MKLN1: variants seen among roughly 807,000 people sequenced by gnomAD.
MKLN1 encodes muskelin.
Under a neutral mutation model 99.0 loss-of-function variants are expected in MKLN1, and 18 were observed. The observed-to-expected ratio is 0.18, with a 90% confidence interval of 0.13 to 0.27. The LOEUF (loss-of-function observed/expected upper bound fraction) is 0.27, where lower values mean the gene tolerates loss of function less well. Ranked by LOEUF, MKLN1 falls within the 10% of genes least tolerant of loss-of-function variation. The pLI is 1.00. For synonymous variants in MKLN1, 288 were observed against 293.2 expected (o/e 0.98, Z 0.18); for missense variants, 621 against 875.9 (o/e 0.71, Z 3.67).
chr7:131,242,446 G>A, intron 3 of MKLN1: 1 of 199,498 alleles, frequency 5.0e-6, no homozygotes, highest in Non-Finnish European at 1.0e-5. Flanking sequence ...TGACGTGTGA[G>A]GATCCCTTGA....
At chr7:131,264,057 G>C (rs2052621) in intron 3 of MKLN1, among the ~76,000 whole-genome samples, 13,676 of 152,136 alleles carry the variant, frequency 0.09, 775 homozygotes, top group South Asian at 0.21. Flanking sequence ...TGTTCCATCA[G>C]GGCAAAAATT....
chr7:131,243,454 C>A (rs1344363043), intron 3 of MKLN1, among the ~76,000 whole-genome samples: 1 of 152,208 alleles, frequency 6.6e-6, no homozygotes, highest in Non-Finnish European at 1.5e-5. Flanking sequence ...ATTTTTCTTA[C>A]CACATTCAAT....
intron 8 of MKLN1, among the ~76,000 whole-genome samples, chr7:131,423,532 A>G (rs1795266069): frequency 6.6e-6 from 1 of 152,142 alleles, no homozygotes; most frequent in East Asian, 1.9e-4. Context: ...GGCTTTCTCC[A>G]TGTTGGTCAT....
intron 8 of MKLN1, among the ~76,000 whole-genome samples, chr7:131,419,410 T>C (rs1172775400): frequency 6.6e-6 from 1 of 151,514 alleles, no homozygotes; most frequent in East Asian, 1.9e-4. Flanking sequence ...GCCCAGCTAA[T>C]TTTTGTATTT....
intron 2 of MKLN1, among the ~76,000 whole-genome samples, chr7:131,170,564 A>G (rs1308787733): frequency 1.3e-5 from 2 of 152,254 alleles, no homozygotes; most frequent in Non-Finnish European, 2.9e-5. Flanking sequence ...AACATCTGAG[A>G]GAGTGGGTTC....
chr7:131,318,517 C>T (rs1420366441), intron 3 of MKLN1, among the ~76,000 whole-genome samples: 2 of 152,050 alleles, frequency 1.3e-5, no homozygotes, highest in Admixed American at 6.6e-5. Flanking sequence ...GATCTGAAAT[C>T]GTCACCCTAA....
chr7:131,357,762 T>C (rs1198237196), intron 1 of MKLN1, among the ~76,000 whole-genome samples: 1 of 152,140 alleles, frequency 6.6e-6, no homozygotes, highest in African/African-American at 2.4e-5. Context: ...TAATTTCTGG[T>C]ATTACAGGAT....
In MKLN1 at chr7:131,437,922, T is replaced by C. The variant is rs751042761; in HGVS notation, c.1098T>C (p.Ile366=). The part of the protein sequence containing the change: ...SLKSDFYRYD[I]DTNTWMLLSE... ...AAAGTGACTTCTATCGTTATGACAT[T>C]GATACAAACACATGGATGTTACTAA... Residue 366 remains isoleucine (I), a synonymous_variant, in exon 10 of 18, where the codon ATT becomes ATC. Transcript: ENST00000352689. 5 of 1,613,844 alleles carry C rather than the reference T, an allele frequency of 3.1e-6. No individual in the cohort carries two copies. The Admixed American group carries it at 8.3e-5, about 27-fold the overall frequency.
chr7:131,231,704 T>C (rs1797246747), intron 3 of MKLN1, among the ~76,000 whole-genome samples: 1 of 152,124 alleles, frequency 6.6e-6, no homozygotes, highest in Admixed American at 6.5e-5. Flanking sequence ...ATGTAGGTGT[T>C]GCCACCAAAA....
At chr7:131,285,333 A>G (rs1365552749) in intron 3 of MKLN1, among the ~76,000 whole-genome samples, 1 of 152,216 alleles carries the variant, frequency 6.6e-6, no homozygotes. Context: ...GTGTTTGCCA[A>G]AGATGAACCT....
chr7:131,164,861 C>G (rs1270802032), intron 2 of MKLN1, among the ~76,000 whole-genome samples: 2 of 152,164 alleles, frequency 1.3e-5, no homozygotes, highest in East Asian at 3.8e-4. Context: ...CTGGAGAATT[C>G]AAGTCCACAA....
chr7:131,369,184 A>G (rs972286785), intron 1 of MKLN1, among the ~76,000 whole-genome samples: 2 of 152,204 alleles, frequency 1.3e-5, no homozygotes, highest in African/African-American at 4.8e-5. Context: ...ACTTCAAAAA[A>G]TGCGGCATCA....
chr7:131,429,561 A>G (rs769195347), intron 9 of MKLN1, among the ~76,000 whole-genome samples: 6 of 151,994 alleles, frequency 3.9e-5, no homozygotes, highest in East Asian at 3.9e-4. Flanking sequence ...TTATTTTACT[A>G]TATGTCAGTT....
At chr7:131,317,061 C>T (rs147488557) in intron 3 of MKLN1, among the ~76,000 whole-genome samples, 1,945 of 152,238 alleles carry the variant, frequency 0.013, 50 homozygotes, top group African/African-American at 0.044. Context: ...ACTTCCCCAA[C>T]CTAGCAAGAC....
intron 2 of MKLN1, among the ~76,000 whole-genome samples, chr7:131,150,823 C>T (rs143451091): frequency 4.2e-4 from 64 of 151,510 alleles, no homozygotes; most frequent in Middle Eastern, 6.8e-3. Flanking sequence ...CAGGAGCTGA[C>T]GAGGGTTTAT....
chr7:131,312,887 A>G (rs1399696893), intron 3 of MKLN1, among the ~76,000 whole-genome samples: 1 of 152,132 alleles, frequency 6.6e-6, no homozygotes, highest in African/African-American at 2.4e-5. Flanking sequence ...GGAGGATCCA[A>G]CTCCTTGCAG....
chr7:131,432,355 G>GTAAGTAATATTTATAATGCAA (rs1795549151), intron 9 of MKLN1, among the ~76,000 whole-genome samples: 1 of 152,122 alleles, frequency 6.6e-6, no homozygotes, highest in Non-Finnish European at 1.5e-5. Flanking sequence ...TACATATGTT[G>GTAAGTAATATTTATAATGCAA]TAAGTAATAT....
At chr7:131,161,957 GTGTGTGTATATA>G (rs1563236125) in intron 2 of MKLN1, among the ~76,000 whole-genome samples, 43 of 68,360 alleles carry the variant, frequency 6.3e-4, no homozygotes, top group Middle Eastern at 6.0e-3. Context: ...ATACGTGTGT[GTGTGTGTATATA>G]TATATATATA....
At chr7:131,425,237 G>A (rs990431705) in intron 8 of MKLN1, among the ~76,000 whole-genome samples, 7 of 151,960 alleles carry the variant, frequency 4.6e-5, no homozygotes, top group African/African-American at 7.3e-5. Context: ...CACTTTTGAC[G>A]TGTTTTTCTG....
Sources: gnomAD v4.1 joint callset for allele counts (sites outside exome capture counted in the v4.1 genomes callset) on GRCh38, gnomAD v4.1.1 for gene constraint, MANE v1.5 for transcripts, NCBI Gene and HGNC (gene_info 2026-07-23, HGNC 2026-07-21) for gene names.